ZMIZ1: variants seen among roughly 807,000 people sequenced by gnomAD.
The protein encoded by ZMIZ1 is zinc finger MIZ domain-containing protein 1.
A neutral mutation model predicts 113.9 loss-of-function variants in ZMIZ1; 17 were observed. The ratio of observed to expected loss-of-function variants is 0.15; its 90% CI spans 0.10 to 0.22. The LOEUF is 0.22. ZMIZ1 is among the 10% of genes least tolerant of loss of function. The pLI is 1.00. For synonymous variants in ZMIZ1, 607 were observed against 603.1 expected, an observed-to-expected ratio of 1.01 and a Z score of -0.09; for missense variants, 1,059 against 1,477.8, an observed-to-expected ratio of 0.72 and a Z score of 4.65.
chr10:79,113,786 T>C (rs1463494197), intron 1 of ZMIZ1, among the ~76,000 whole-genome samples: 1 of 151,488 alleles, frequency 6.6e-6, no homozygotes, highest in African/African-American at 2.4e-5. Flanking sequence ...CCCCCTTTCC[T>C]CTGAGCCCCC....
At chr10:79,244,179 A>T (rs1850053554) in intron 7 of ZMIZ1, among the ~76,000 whole-genome samples, 1 of 152,134 alleles carries the variant, frequency 6.6e-6, no homozygotes, top group African/African-American at 2.4e-5. Flanking sequence ...GCGCGTAGAG[A>T]CCCCACGGGC....
chr10:79,207,917 G>A (rs1308303474), intron 5 of ZMIZ1, among the ~76,000 whole-genome samples: 2 of 151,464 alleles, frequency 1.3e-5, no homozygotes, highest in African/African-American at 2.4e-5. Flanking sequence ...AGAACTCCCG[G>A]AACCCTGCAG....
At chr10:79,087,578 G>A (rs763262048) in intron 1 of ZMIZ1, among the ~76,000 whole-genome samples, 7 of 151,988 alleles carry the variant, frequency 4.6e-5, no homozygotes, top group Non-Finnish European at 8.8e-5. Context: ...CTTTTCCATC[G>A]CCCCTTCACT....
rs1564599096 is a variant in ZMIZ1, at chr10:79,300,771, G to C, written c.1848G>C (p.Glu616Asp). The change falls in exon 17 of 25, where the codon GAG becomes GAC. Residue 616 changes from glutamate (E) to aspartate (D), a missense_variant. This residue lies in a region of ZMIZ1 where 217 missense variants were observed against 426.9 expected (regional missense o/e 0.51). Coordinates refer to ENST00000334512, the MANE Select transcript of ZMIZ1 (RefSeq NM_020338.4). Reference sequence around the variant, plus strand: ...TGCAGTTCAAGTGCTACCACCACGAGGACCGGCAGATGAACACCAACTGGC... The same window carrying C: ...TGCAGTTCAAGTGCTACCACCACGACGACCGGCAGATGAACACCAACTGGC... ...LELQFKCYHH[E>D]DRQMNTNWPA... 6.2e-7 allele frequency: 1 copy of C among 1,614,036 alleles called. No homozygotes were observed. Among genetic ancestry groups the C allele is most frequent in the Non-Finnish European group, 8.5e-7 (1 of 1,180,018 alleles).
rs1391182730 is a variant in ZMIZ1, at chr10:79,307,494, C to G, written c.2758C>G (p.Gln920Glu). 4 of 1,610,656 alleles carry G rather than the reference C, an allele frequency of 2.5e-6. No homozygotes were observed. The highest frequency in any genetic ancestry group is 2.5e-6 in the Non-Finnish European group (3 of 1,177,348). ...SMNDFMHGPP[Q>E]LSHPPDMPNN... The stretch of plus-strand genomic sequence containing the variant: ...GAATGACTTCATGCACGGGCCCCCC[C>G]AGCTCTCCCACCCCCCGGACATGCC... Residue 920 changes from glutamine (Q) to glutamate (E), a missense_variant, in exon 23 of 25, where the codon CAG becomes GAG. By Grantham distance (29) the Gln-to-Glu change is conservative (BLOSUM62 2). This residue lies in a region of ZMIZ1 where 225 missense variants were observed against 276.0 expected (regional missense o/e 0.82). Coordinates refer to ENST00000334512, the MANE Select transcript of ZMIZ1 (RefSeq NM_020338.4).
intron 1 of ZMIZ1, among the ~76,000 whole-genome samples, chr10:79,105,532 C>T (rs1843524298): frequency 6.6e-6 from 1 of 152,162 alleles, no homozygotes; most frequent in South Asian, 2.1e-4. Flanking sequence ...CTGAGAAAAC[C>T]CCTCCGCCCC....
chr10:79,133,346 T>C (rs1035874498), intron 2 of ZMIZ1, among the ~76,000 whole-genome samples: 11 of 152,336 alleles, frequency 7.2e-5, no homozygotes, highest in African/African-American at 2.2e-4. Context: ...CTGGAACTTA[T>C]TCCCACTGTG....
intron 18 of ZMIZ1, among the ~76,000 whole-genome samples, chr10:79,303,731 TC>T (rs1175054102): frequency 6.6e-6 from 1 of 152,144 alleles, no homozygotes; most frequent in Non-Finnish European, 1.5e-5. Context: ...ACATGCCCCT[TC>T]CTCGCGAAGG....
chr10:79,308,030 T>C (rs997882533), intron 23 of ZMIZ1, among the ~76,000 whole-genome samples: 2 of 152,000 alleles, frequency 1.3e-5, no homozygotes. Flanking sequence ...GGAAGTCTGA[T>C]TATCTGAAGA....
chr10:79,310,103 A>C (rs544777773), intron 23 of ZMIZ1, among the ~76,000 whole-genome samples: 2 of 152,090 alleles, frequency 1.3e-5, no homozygotes, highest in Non-Finnish European at 1.5e-5. Context: ...TTAGAGAGGC[A>C]CCGCCAGCCT....
Position 79,074,721 on chromosome 10 carries a change from G to A in ZMIZ1, c.-337+5451G>A, listed in dbSNP as rs140083867. ...AGACCTTAGGTTCTTTCTGCCCCTTGCAGCCTCCACCCTTGGGCCTGGTTT... is the reference window on the plus strand; with the variant it reads ...AGACCTTAGGTTCTTTCTGCCCCTTACAGCCTCCACCCTTGGGCCTGGTTT... On this transcript the variant is annotated intron_variant, in intron 1 of 24. Transcript: ENST00000334512. Among the ~76,000 whole-genome samples, 675 of 152,378 alleles carry A rather than the reference G, an allele frequency of 4.4e-3. 4 individuals carry two copies. Among genetic ancestry groups the A allele is most frequent in the Admixed American group, 6.2e-3 (95 of 15,312 alleles).
rs541880913 is a variant in ZMIZ1 at position 79,118,580 on chromosome 10, C to T, written c.-336-335C>T. Among the ~76,000 whole-genome samples the T allele has an allele frequency of 1.3e-5, 2 of 152,304 alleles. No individual in the cohort carries two copies. The highest frequency in any genetic ancestry group is 2.9e-5 in the Non-Finnish European group (2 of 68,024). On this transcript the variant is annotated intron_variant, in intron 1 of 24. Transcript: ENST00000334512. The surrounding 1 kb of genome is among the most constrained non-coding windows in gnomAD (Gnocchi z 4.1). The stretch of plus-strand genomic sequence containing the variant: ...GGGAGAAGAGCTCTGAGCGGGGCAC[C>T]CAGCGTGTGCCAAGGCCGGAGCCAG...
chr10:79,175,633 G>GTGTGTGTGTGT (rs1216136831), intron 4 of ZMIZ1, among the ~76,000 whole-genome samples: 52 of 72,550 alleles, frequency 7.2e-4, no homozygotes, highest in South Asian at 2.8e-3. Context: ...TGTGTGTGGA[G>GTGTGTGTGTGT]GTTTTTACAG....
At chr10:79,231,688 C>T (rs1013748623) in intron 7 of ZMIZ1, among the ~76,000 whole-genome samples, 2 of 152,166 alleles carry the variant, frequency 1.3e-5, no homozygotes, top group Non-Finnish European at 2.9e-5. Flanking sequence ...AAGTAATTCT[C>T]CTATCTCCGC....
rs779471047 is a variant in ZMIZ1, at chr10:79,153,603, T to C, written c.-130-8450T>C. The stretch of plus-strand genomic sequence containing the variant: ...GGGAGAGACCTGATGTTCCTGTAAA[T>C]AGCAAGTGCTCCTGTTGCCTGGGCT... On this transcript the variant is annotated intron_variant, in intron 3 of 24. Transcript: ENST00000334512. 6.6e-4 allele frequency among the ~76,000 whole-genome samples: 100 copies of C among 152,226 alleles called. 3 individuals carry two copies. Among genetic ancestry groups the C allele is most frequent in the Admixed American group, 2.6e-4 (4 of 15,290 alleles).
At chr10:79,302,681 C>CTTTTTTTTTTT (rs758621365) in intron 18 of ZMIZ1, among the ~76,000 whole-genome samples, 15 of 41,788 alleles carry the variant, frequency 3.6e-4, no homozygotes, top group Non-Finnish European at 4.6e-4. Context: ...ACAGCTCATG[C>CTTTTTTTTTTT]TTTTTTTTTT....
At position 79,162,037 on chromosome 10, in the gene ZMIZ1, C is replaced by G. The variant is rs548562873; in HGVS notation, c.-130-16C>G. ...CTACTGTGGGTAGACCCGCTGACCT[C>G]CCACTTTCATTGCAGCAGGATGGAG... On this transcript the variant is annotated splice_polypyrimidine_tract_variant and intron_variant, in intron 3 of 24. Transcript: ENST00000334512. 23 of 399,140 alleles carry G rather than the reference C, an allele frequency of 5.8e-5. 1 individual carries two copies. In the South Asian group the frequency reaches 1.4e-3, roughly 24 times the overall value. 24.7% of individuals were successfully genotyped at this position (399,140 alleles called of 1,614,324 possible).
At chr10:79,261,228 C>T (rs1324631581) in intron 7 of ZMIZ1, among the ~76,000 whole-genome samples, 9 of 152,236 alleles carry the variant, frequency 5.9e-5, no homozygotes, top group Non-Finnish European at 1.2e-4. Context: ...CCATCCAGTT[C>T]GTGCTTGCCC....
At chr10:79,224,625 G>A (rs947581023) in intron 7 of ZMIZ1, among the ~76,000 whole-genome samples, 2 of 152,204 alleles carry the variant, frequency 1.3e-5, no homozygotes, top group Admixed American at 1.3e-4. Flanking sequence ...TGTCACCAGG[G>A]CCCTCAGCAG....
Sources: allele counts gnomAD v4.1 joint callset (sites outside exome capture counted in the v4.1 genomes callset), GRCh38; gene constraint gnomAD v4.1.1; regional missense constraint gnomAD v4.1.1; non-coding constraint Gnocchi (gnomAD v3.1); transcripts MANE v1.5; gene names NCBI Gene and HGNC (gene_info 2026-07-23, HGNC 2026-07-21).